The following GRID2 variants were observed in gnomAD, a reference collection of about 807,000 sequenced individuals.
GRID2 encodes glutamate receptor ionotropic, delta-2.
In GRID2, 33 loss-of-function variants were observed where a neutral mutation model predicts 114.8. The observed-to-expected ratio is 0.29, with a 90% confidence interval of 0.22 to 0.38. The LOEUF (loss-of-function observed/expected upper bound fraction) is 0.38, where lower values mean the gene tolerates loss of function less well. GRID2 is among the 10% of genes least tolerant of loss of function. The probability of loss-of-function intolerance (pLI) is 1.00; values close to 1 mark genes in which losing one functional copy is unlikely to be tolerated. For synonymous variants in GRID2, 505 were observed against 449.9 expected (o/e 1.12, Z -1.55); for missense variants, 1,184 against 1,257.7 (o/e 0.94, Z 0.89).
intron 2 of GRID2, among the ~76,000 whole-genome samples, chr4:93,064,693 T>C (rs973274287): frequency 2.0e-5 from 3 of 151,922 alleles, no homozygotes; most frequent in African/African-American, 7.2e-5. Context: ...CCAGAGATTA[T>C]TGTGTTTCAC....
At position 92,644,374 on chromosome 4, in the gene GRID2, A is replaced by T. The variant is rs1303697702; in HGVS notation, c.244+54088A>T. On this transcript the variant is annotated intron_variant, in intron 2 of 15. Coordinates refer to ENST00000282020, the MANE Select transcript of GRID2 (RefSeq NM_001510.4). ...GTAATAAATTAAGTCTCACTAAAAT[A>T]AACAAGATGAAGAATTTGGAACAAA... Among the ~76,000 whole-genome samples the T allele has an allele frequency of 4.6e-5, 7 of 151,824 alleles. No individual in the cohort carries two copies. The Admixed American group carries it at 4.6e-4, about 10-fold the overall frequency.
intron 13 of GRID2, among the ~76,000 whole-genome samples, chr4:93,596,129 A>G (rs982007343): frequency 2.6e-5 from 4 of 152,218 alleles, no homozygotes; most frequent in Non-Finnish European, 5.9e-5. Context: ...TTTATTATCT[A>G]GTTCACTATT....
chr4:92,929,633 T>G (rs1750077760), intron 2 of GRID2, among the ~76,000 whole-genome samples: 1 of 151,358 alleles, frequency 6.6e-6, no homozygotes, highest in African/African-American at 2.4e-5. Flanking sequence ...TTTGATAAAG[T>G]CTTCTTAAAG....
intron 14 of GRID2, among the ~76,000 whole-genome samples, chr4:93,684,076 T>C (rs1422440089): frequency 1.3e-5 from 2 of 152,176 alleles, no homozygotes; most frequent in Non-Finnish European, 2.9e-5. Context: ...GGAATTATAG[T>C]TATCTATACA....
intron 2 of GRID2, among the ~76,000 whole-genome samples, chr4:92,666,010 C>T (rs1732755501): frequency 6.6e-6 from 1 of 151,412 alleles, no homozygotes; most frequent in South Asian, 2.1e-4. Flanking sequence ...TTCTCTGCCT[C>T]TTTCATTTTC....
At position 93,364,016 on chromosome 4, in the gene GRID2, A is replaced by T. The variant is rs1009059411; in HGVS notation, c.1246-31591A>T. Among the ~76,000 whole-genome samples the T allele has an allele frequency of 5.3e-5, 8 of 152,138 alleles. No individual in the cohort carries two copies. In the East Asian group the frequency reaches 1.2e-3, roughly 22 times the overall value. On this transcript the variant is annotated intron_variant, in intron 8 of 15. Coordinates refer to ENST00000282020, the MANE Select transcript of GRID2 (RefSeq NM_001510.4). ...AATTCTCTTGCCAAAGAGTAAGAAA[A>T]ATATATATATGTGTGTTGTATTCAT...
chr4:92,440,610 C>T (rs1302482456), intron 1 of GRID2, among the ~76,000 whole-genome samples: 1 of 151,622 alleles, frequency 6.6e-6, no homozygotes, highest in East Asian at 1.9e-4. Context: ...GGATAGATTT[C>T]CACGATGGAA....
intron 1 of GRID2, among the ~76,000 whole-genome samples, chr4:92,536,065 A>G (rs910591205): frequency 6.6e-6 from 1 of 152,180 alleles, no homozygotes; most frequent in Non-Finnish European, 1.5e-5. Flanking sequence ...GCAAAGAGCA[A>G]AAGAACAAAG....
At chr4:92,610,422 C>T (rs1729662727) in intron 2 of GRID2, among the ~76,000 whole-genome samples, 1 of 151,564 alleles carries the variant, frequency 6.6e-6, no homozygotes, top group African/African-American at 2.4e-5. Context: ...AACGATCATA[C>T]CTGTCTCTAA....
At chr4:93,387,806 G>A (rs1019405993) in intron 8 of GRID2, among the ~76,000 whole-genome samples, 2 of 149,318 alleles carry the variant, frequency 1.3e-5, no homozygotes, top group Non-Finnish European at 3.0e-5. Context: ...CTCCAGTCTG[G>A]GCAACAGAGC....
At position 93,216,733 on chromosome 4, in the gene GRID2, T is replaced by A. The variant is rs1300682791; in HGVS notation, c.790-5T>A. The A allele has an allele frequency of 1.9e-6, 3 of 1,592,588 alleles. No homozygotes were observed. Among genetic ancestry groups the A allele is most frequent in the Non-Finnish European group, 2.6e-6 (3 of 1,161,212 alleles). On this transcript the variant is annotated splice_polypyrimidine_tract_variant and splice_region_variant and intron_variant, in intron 5 of 15. Transcript: ENST00000282020. ...TCTCTAATTCTTCCACCTCTTATCT[T>A]ATAGGAAATAAACGATGTGGACGTA...
intron 2 of GRID2, among the ~76,000 whole-genome samples, chr4:92,691,210 A>G (rs1390060393): frequency 6.6e-6 from 1 of 152,130 alleles, no homozygotes; most frequent in East Asian, 1.9e-4. Context: ...TTTTTACAGG[A>G]TATTTTTATT....
intron 2 of GRID2, among the ~76,000 whole-genome samples, chr4:92,605,903 C>G (rs1481676346): frequency 6.6e-6 from 1 of 152,084 alleles, no homozygotes; most frequent in African/African-American, 2.4e-5. Context: ...TCCTGCAGAT[C>G]TCACTGACAT....
intron 2 of GRID2, among the ~76,000 whole-genome samples, chr4:92,897,989 ATCT>A (rs1466124739): frequency 2.0e-5 from 3 of 152,208 alleles, no homozygotes; most frequent in African/African-American, 7.2e-5. Context: ...CCAACACTAC[ATCT>A]TCTTTACATT....
intron 7 of GRID2, among the ~76,000 whole-genome samples, chr4:93,231,899 A>G (rs1181635835): frequency 6.6e-6 from 1 of 152,162 alleles, no homozygotes; most frequent in Non-Finnish European, 1.5e-5. Flanking sequence ...TTGAGAACCC[A>G]ACTTAGAAAA....
At chr4:93,348,421 T>G (rs1257238437) in intron 8 of GRID2, among the ~76,000 whole-genome samples, 1 of 152,192 alleles carries the variant, frequency 6.6e-6, no homozygotes, top group African/African-American at 2.4e-5. Flanking sequence ...TAATTACATA[T>G]TAGAAGTGCA....
intron 8 of GRID2, among the ~76,000 whole-genome samples, chr4:93,297,943 T>C (rs1754488934): frequency 6.6e-6 from 1 of 152,220 alleles, no homozygotes. Context: ...TTTGCTTTTT[T>C]TCTATACTGT....
At chr4:92,925,273 C>T (rs1194058610) in intron 2 of GRID2, among the ~76,000 whole-genome samples, 1 of 152,004 alleles carries the variant, frequency 6.6e-6, no homozygotes, top group Non-Finnish European at 1.5e-5. Context: ...AGTTGTAATG[C>T]TGAGATTTCT....
chr4:92,387,875 G>A (rs1730049894), intron 1 of GRID2, among the ~76,000 whole-genome samples: 1 of 151,952 alleles, frequency 6.6e-6, no homozygotes, highest in African/African-American at 2.4e-5. Context: ...ATTAGCTAAA[G>A]TTCAAACATA....
Sources: allele counts gnomAD v4.1 joint callset (sites outside exome capture counted in the v4.1 genomes callset), GRCh38; gene constraint gnomAD v4.1.1; transcripts MANE v1.5; gene names NCBI Gene and HGNC (gene_info 2026-07-23, HGNC 2026-07-21).